The following GSK3B variants were observed in gnomAD, a reference collection of about 807,000 sequenced individuals.
GSK3B encodes glycogen synthase kinase-3 beta.
In GSK3B, 15 loss-of-function variants were observed where a neutral mutation model predicts 56.4. The observed-to-expected ratio is 0.27, with a 90% CI of 0.18 to 0.41. The LOEUF (loss-of-function observed/expected upper bound fraction) is 0.41, where lower values mean the gene tolerates loss of function less well. Among genes scored for constraint, GSK3B ranks in the 10% least tolerant of loss-of-function variants. The probability of loss-of-function intolerance (pLI) is 1.00; values close to 1 mark genes in which losing one functional copy is unlikely to be tolerated. For synonymous variants in GSK3B, 181 were observed against 188.9 expected, an observed-to-expected ratio of 0.96 and a Z score of 0.34; for missense variants, 300 against 513.4, an observed-to-expected ratio of 0.58 and a Z score of 4.02.
chr3:120,004,369 C>T lies in GSK3B; in HGVS notation c.89-2130G>A, dbSNP rs1291672058. 3.3e-5 allele frequency among the ~76,000 whole-genome samples: 5 copies of T among 152,342 alleles called. No homozygotes were observed. In the East Asian group the frequency reaches 9.6e-4, roughly 29 times the overall value. ...CTGAACAAAAGGCAGCAGACAGCTT[C>T]TGCAGACTTAAACGTCCCTGCCTGA... is the stretch of plus-strand genomic sequence containing the variant. On this transcript the variant is annotated intron_variant, in intron 1 of 10. Coordinates refer to ENST00000264235, the MANE Select transcript of GSK3B (RefSeq NM_001146156.2).
At chr3:119,934,850 G>T (rs1017499500) in intron 3 of GSK3B, among the ~76,000 whole-genome samples, 1 of 152,102 alleles carries the variant, frequency 6.6e-6, no homozygotes, top group African/African-American at 2.4e-5. Flanking sequence ...TCTGTTAAGA[G>T]TGGGATTAGG....
At chr3:119,904,745 A>T (rs1224840957) in intron 7 of GSK3B, among the ~76,000 whole-genome samples, 1 of 152,130 alleles carries the variant, frequency 6.6e-6, no homozygotes, top group Non-Finnish European at 1.5e-5. Flanking sequence ...AGTGTTCAAG[A>T]AAATACTAGA....
chr3:119,832,913 A>G (rs753331495), intron 10 of GSK3B: 9 of 852,968 alleles, frequency 1.1e-5, no homozygotes, highest in African/African-American at 1.8e-5. Context: ...ATCTGGTATC[A>G]TAATTTCTTT....
intron 1 of GSK3B, among the ~76,000 whole-genome samples, chr3:120,036,905 TCAGA>T (rs1307678640): frequency 3.9e-5 from 6 of 151,960 alleles, no homozygotes; most frequent in African/African-American, 1.5e-4. Flanking sequence ...AGAATCAATG[TCAGA>T]CAAATTTACA....
chr3:119,982,213 C>T (rs374832601), intron 2 of GSK3B, among the ~76,000 whole-genome samples: 70 of 152,274 alleles, frequency 4.6e-4, no homozygotes, highest in African/African-American at 1.3e-3. Context: ...CTGTAGGTCA[C>T]CAACATCAAA....
chr3:119,931,912 ATAAAC>A (rs938212393), intron 3 of GSK3B, among the ~76,000 whole-genome samples: 2 of 152,184 alleles, frequency 1.3e-5, no homozygotes, highest in Admixed American at 6.5e-5. Context: ...AATTTTATTA[ATAAAC>A]TATTCTCTAA....
chr3:119,938,497 T>C (rs959639376), intron 3 of GSK3B, among the ~76,000 whole-genome samples: 2 of 151,902 alleles, frequency 1.3e-5, no homozygotes, highest in African/African-American at 4.8e-5. Flanking sequence ...AAAATCAATG[T>C]AATATATCAT....
intron 3 of GSK3B, among the ~76,000 whole-genome samples, chr3:119,929,620 T>C (rs1004690199): frequency 6.6e-6 from 1 of 151,638 alleles, no homozygotes; most frequent in African/African-American, 2.4e-5. Context: ...AACAAAAAAT[T>C]GGCCAGGCAT....
At chr3:120,039,504 A>C (rs1002457798) in intron 1 of GSK3B, among the ~76,000 whole-genome samples, 1 of 152,096 alleles carries the variant, frequency 6.6e-6, no homozygotes, top group Non-Finnish European at 1.5e-5. Flanking sequence ...TAAAAAAAAA[A>C]CCAATCTTCC....
rs188142851 is a variant in GSK3B at position 120,061,186 on chromosome 3, C to A, written c.88+32161G>T. ...ATTTTAAAGATGCGTGAGGAATTTA[C>A]TGTTTATAGGCATCCAGAAATAAAT... On this transcript the variant is annotated intron_variant, in intron 1 of 10. Transcript: ENST00000264235. Among the ~76,000 whole-genome samples, 540 of 152,250 alleles carry A rather than the reference C, an allele frequency of 3.5e-3. 3 individuals carry two copies. Among genetic ancestry groups the A allele is most frequent in the African/African-American group, 0.012 (511 of 41,530 alleles).
chr3:119,835,311 C>T (rs563884262), intron 10 of GSK3B, among the ~76,000 whole-genome samples: 2 of 152,314 alleles, frequency 1.3e-5, no homozygotes, highest in South Asian at 4.1e-4. Flanking sequence ...ATTCTTTATA[C>T]TTTTTGACTC....
chr3:119,943,845 G>A (rs2057073516), intron 3 of GSK3B, among the ~76,000 whole-genome samples: 1 of 150,964 alleles, frequency 6.6e-6, no homozygotes, highest in African/African-American at 2.4e-5. Flanking sequence ...TTATATGGAG[G>A]GAAAAGAAAT....
At chr3:120,067,898 A>C (rs1450052984) in intron 1 of GSK3B, among the ~76,000 whole-genome samples, 1 of 152,248 alleles carries the variant, frequency 6.6e-6, no homozygotes, top group Non-Finnish European at 1.5e-5. Flanking sequence ...TTTAGTAAAA[A>C]AACAAACCAT....
chr3:120,088,348 T>C (rs1192147741), intron 1 of GSK3B, among the ~76,000 whole-genome samples: 1 of 152,228 alleles, frequency 6.6e-6, no homozygotes, highest in Non-Finnish European at 1.5e-5. Flanking sequence ...TCCTTTTTTA[T>C]ATAAATTTAA....
intron 2 of GSK3B, among the ~76,000 whole-genome samples, chr3:119,971,123 T>C (rs2107515391): frequency 6.6e-6 from 1 of 152,316 alleles, no homozygotes; most frequent in African/African-American, 2.4e-5. Flanking sequence ...ATGACAAATG[T>C]CTCCAAAATT....
intron 9 of GSK3B, among the ~76,000 whole-genome samples, chr3:119,859,184 T>TATAA (rs1553725267): frequency 3.0e-4 from 43 of 143,392 alleles, no homozygotes; most frequent in African/African-American, 9.8e-4. Flanking sequence ...TTTGTGTATA[T>TATAA]AAAAAAAAAA....
rs760912646 is a variant in GSK3B, at chr3:119,863,622, G to A, written c.910-17C>T. 3 of 1,523,804 alleles carry A rather than the reference G, an allele frequency of 2.0e-6. No individual in the cohort carries two copies. The highest frequency in any genetic ancestry group is 1.7e-4 in the Middle Eastern group (1 of 5,880). The allele number at this position is 1,523,804 out of a possible 1,614,324, so 94.4% of individuals were successfully genotyped here. On this transcript the variant is annotated splice_polypyrimidine_tract_variant and intron_variant, in intron 8 of 10. Coordinates refer to ENST00000264235, the MANE Select transcript of GSK3B (RefSeq NM_001146156.2). ...TCGGAAGACCTGCAGTACAAAAAAA[G>A]GGAAAGAACAATTAATGTTTTATTT...
chr3:119,959,479 G>C (rs1395801827), intron 2 of GSK3B, among the ~76,000 whole-genome samples: 2 of 145,754 alleles, frequency 1.4e-5, no homozygotes, highest in Non-Finnish European at 3.0e-5. Flanking sequence ...CAAAAACCAT[G>C]AAGTCTTGAT....
At chr3:119,937,285 G>C (rs1475360828) in intron 3 of GSK3B, among the ~76,000 whole-genome samples, 3 of 152,064 alleles carry the variant, frequency 2.0e-5, no homozygotes, top group African/African-American at 7.3e-5. Flanking sequence ...CTCATGAATG[G>C]AATTGTGCCT....
Sources: gnomAD v4.1 joint callset for allele counts (sites outside exome capture counted in the v4.1 genomes callset) on GRCh38, gnomAD v4.1.1 for gene constraint, MANE v1.5 for transcripts, NCBI Gene and HGNC (gene_info 2026-07-23, HGNC 2026-07-21) for gene names.